The following OSBPL1A variants were observed in gnomAD, a reference collection of about 807,000 sequenced individuals.
The protein encoded by OSBPL1A is oxysterol binding protein like 1A.
A neutral mutation model predicts 137.1 loss-of-function variants in OSBPL1A; 80 were observed. The observed-to-expected ratio is 0.58, with a 90% CI of 0.49 to 0.70. The LOEUF (loss-of-function observed/expected upper bound fraction) is 0.70. OSBPL1A is among the 30% of genes least tolerant of loss of function. OSBPL1A has a pLI of 0.00. For synonymous variants in OSBPL1A, 365 were observed against 389.7 expected (o/e 0.94, Z 0.75); for missense variants, 970 against 1,129.4 (o/e 0.86, Z 2.02).
At chr18:24,244,336 AGAAC>A (rs2088817252) in intron 15 of OSBPL1A, among the ~76,000 whole-genome samples, 1 of 152,248 alleles carries the variant, frequency 6.6e-6, no homozygotes, top group African/African-American at 2.4e-5. Context: ...CTTCCTTCAC[AGAAC>A]TAGTGGGTCC....
chr18:24,257,604 C>T lies in OSBPL1A; in HGVS notation c.1282-18222G>A, dbSNP rs114699196. 5.1e-3 allele frequency among the ~76,000 whole-genome samples: 776 copies of T among 152,150 alleles called. 7 individuals carry two copies. Among genetic ancestry groups the T allele is most frequent in the African/African-American group, 0.018 (744 of 41,492 alleles). On this transcript the variant is annotated intron_variant, in intron 15 of 27. Transcript: ENST00000319481. ...CTTAGTAATACCCCACAAGCACAGA[C>T]AACCAAAGAAAAAATGGACAAATGG...
intron 9 of OSBPL1A, 128 bp downstream of exon 9, chr18:24,318,473 A>G: frequency 1.5e-5 from 12 of 807,540 alleles, no homozygotes; most frequent in South Asian, 3.6e-5. Context: ...AGTGGTTTAC[A>G]TTATACGATC....
intron 13 of OSBPL1A, 48 bp from the exon 14 acceptor site, chr18:24,303,766 T>A: frequency 6.8e-7 from 1 of 1,460,732 alleles, no homozygotes; most frequent in Non-Finnish European, 9.6e-7. Flanking sequence ...TAAAAGATTT[T>A]ACATTACTTA....
At chr18:24,358,548 A>G (rs1377174232) in intron 4 of OSBPL1A, 1 of 702,110 alleles carries the variant, frequency 1.4e-6, no homozygotes, top group Non-Finnish European at 2.6e-6. Context: ...CAAGGCAGTC[A>G]TTCTCCATCA....
At chr18:24,371,793 C>G (rs1599726586) in intron 2 of OSBPL1A, among the ~76,000 whole-genome samples, 1 of 152,152 alleles carries the variant, frequency 6.6e-6, no homozygotes, top group East Asian at 1.9e-4. Context: ...CAATTTTTAT[C>G]AAGAAATGCT....
intron 15 of OSBPL1A, among the ~76,000 whole-genome samples, chr18:24,275,965 G>A (rs968456415): frequency 3.9e-5 from 6 of 151,998 alleles, no homozygotes; most frequent in Non-Finnish European, 7.4e-5. Flanking sequence ...CTAACCTCAG[G>A]TGATCCACCA....
At chr18:24,293,100 GTC>G (rs1568005842) in intron 14 of OSBPL1A, among the ~76,000 whole-genome samples, 10 of 67,980 alleles carry the variant, frequency 1.5e-4, no homozygotes, top group African/African-American at 5.5e-4. Context: ...AGGGACTCCC[GTC>G]TCAAAAAAAA....
chr18:24,310,387 G>C (rs1473451973), intron 13 of OSBPL1A, among the ~76,000 whole-genome samples: 1 of 137,692 alleles, frequency 7.3e-6, no homozygotes, highest in Non-Finnish European at 1.5e-5. Context: ...AGGAGATCAA[G>C]ATCATCCTGG....
intron 1 of OSBPL1A, among the ~76,000 whole-genome samples, chr18:24,382,955 C>G (rs1380217701): frequency 6.6e-6 from 1 of 152,014 alleles, no homozygotes; most frequent in Non-Finnish European, 1.5e-5. Flanking sequence ...ATTGTTAGGA[C>G]AGATGGTACT....
chr18:24,310,531 G>A (rs1406487196), intron 13 of OSBPL1A, among the ~76,000 whole-genome samples: 1 of 149,628 alleles, frequency 6.7e-6, no homozygotes, highest in East Asian at 1.9e-4. Context: ...GAACCCTGGA[G>A]GTGGAACTTG....
At chr18:24,299,818 G>A (rs1458814424) in intron 14 of OSBPL1A, among the ~76,000 whole-genome samples, 1 of 152,126 alleles carries the variant, frequency 6.6e-6, no homozygotes, top group African/African-American at 2.4e-5. Context: ...AAGTTGGCAT[G>A]TAAAATAACA....
At chr18:24,345,612 G>C (rs1218607195) in intron 4 of OSBPL1A, among the ~76,000 whole-genome samples, 1 of 152,170 alleles carries the variant, frequency 6.6e-6, no homozygotes, top group African/African-American at 2.4e-5. Flanking sequence ...CTTGAGCCCA[G>C]GAGGCGGAGG....
intron 5 of OSBPL1A, among the ~76,000 whole-genome samples, chr18:24,339,404 G>A (rs2091237121): frequency 6.6e-6 from 1 of 152,178 alleles, no homozygotes; most frequent in African/African-American, 2.4e-5. Flanking sequence ...TGGGTAAGGT[G>A]CTCTCATTAG....
chr18:24,203,553 G>A (rs760090664), intron 17 of OSBPL1A, among the ~76,000 whole-genome samples: 19 of 152,162 alleles, frequency 1.2e-4, no homozygotes, highest in Admixed American at 2.0e-4. Flanking sequence ...ACATGTACAC[G>A]TATGTAGGTA....
chr18:24,175,110 A>ATATATATATG (rs2086398606), intron 21 of OSBPL1A, among the ~76,000 whole-genome samples: 1 of 14,780 alleles, frequency 6.8e-5, no homozygotes, highest in African/African-American at 9.6e-5. Flanking sequence ...ATGTGTATGT[A>ATATATATATG]TATATATATA....
chr18:24,393,709 T>A (rs1450563922), intron 1 of OSBPL1A, among the ~76,000 whole-genome samples: 1 of 152,160 alleles, frequency 6.6e-6, no homozygotes, highest in African/African-American at 2.4e-5. Context: ...CATCTCGGCC[T>A]CCCAAAGTGC....
At chr18:24,175,108 G>GTATATATATA (rs71163664) in intron 21 of OSBPL1A, among the ~76,000 whole-genome samples, 2 of 111,530 alleles carry the variant, frequency 1.8e-5, no homozygotes, top group Admixed American at 8.8e-5. Context: ...CCATGTGTAT[G>GTATATATATA]TATATATATA....
At chr18:24,258,355 G>T (rs1216462980) in intron 15 of OSBPL1A, among the ~76,000 whole-genome samples, 1 of 152,156 alleles carries the variant, frequency 6.6e-6, no homozygotes, top group Admixed American at 6.5e-5. Context: ...TATGTTAAAT[G>T]AAATAAGCCA....
intron 17 of OSBPL1A, among the ~76,000 whole-genome samples, chr18:24,210,209 G>A (rs1438564390): frequency 4.6e-5 from 7 of 152,100 alleles, no homozygotes; most frequent in African/African-American, 1.4e-4. Flanking sequence ...GGTGGATCAT[G>A]AGGTCAGGAG....
Sources: allele counts gnomAD v4.1 joint callset (sites outside exome capture counted in the v4.1 genomes callset), GRCh38; gene constraint gnomAD v4.1.1; transcripts MANE v1.5; gene names NCBI Gene and HGNC (gene_info 2026-07-23, HGNC 2026-07-21).